The following ENTREP2 variants were observed in gnomAD, a reference collection of about 807,000 sequenced individuals.
The protein encoded by ENTREP2 is protein ENTREP2.
the ENTREP2 span, among the ~76,000 whole-genome samples, chr15:29,450,729 G>A: frequency 6.6e-6 from 1 of 152,150 alleles, no homozygotes; most frequent in Non-Finnish European, 1.5e-5. Context: ...GCCCATCAAT[G>A]GTAGACTGGG....
At chr15:29,617,847 T>C in the ENTREP2 span, among the ~76,000 whole-genome samples, 1 of 152,206 alleles carries the variant, frequency 6.6e-6, no homozygotes, top group Non-Finnish European at 1.5e-5. Context: ...CAGGGCAGCC[T>C]GACAGAGGGC....
At chr15:29,156,510 G>A in the ENTREP2 span, among the ~76,000 whole-genome samples, 2 of 151,416 alleles carry the variant, frequency 1.3e-5, no homozygotes, top group Non-Finnish European at 1.5e-5. Flanking sequence ...TTTGAGAATT[G>A]ATTGAGAAAG....
chr15:29,347,991 G>A, the ENTREP2 span, among the ~76,000 whole-genome samples: 1 of 152,134 alleles, frequency 6.6e-6, no homozygotes, highest in Non-Finnish European at 1.5e-5. Context: ...ATATAGAGGG[G>A]CACCATCTGG....
chr15:29,292,991 C>G, the ENTREP2 span, among the ~76,000 whole-genome samples: 1 of 152,244 alleles, frequency 6.6e-6, no homozygotes, highest in East Asian at 1.9e-4. Flanking sequence ...GCATTCTCTA[C>G]TACAGCTGTG....
chr15:29,397,499 T>G, the ENTREP2 span, among the ~76,000 whole-genome samples: 3 of 152,092 alleles, frequency 2.0e-5, no homozygotes, highest in African/African-American at 4.8e-5. Flanking sequence ...TAGCAGTGGT[T>G]AGAAAGAACA....
the ENTREP2 span, among the ~76,000 whole-genome samples, chr15:29,468,114 C>A: frequency 6.6e-6 from 1 of 152,186 alleles, no homozygotes; most frequent in Non-Finnish European, 1.5e-5. Context: ...TTTATTCCCC[C>A]AAAGAACCTA....
chr15:29,656,116 C>T, the ENTREP2 span, among the ~76,000 whole-genome samples: 2 of 150,728 alleles, frequency 1.3e-5, no homozygotes, highest in Non-Finnish European at 2.9e-5. Flanking sequence ...GAATTCTATA[C>T]CCAGTGAAAA....
At chr15:29,617,157 T>C in the ENTREP2 span, among the ~76,000 whole-genome samples, 1 of 152,194 alleles carries the variant, frequency 6.6e-6, no homozygotes, top group South Asian at 2.1e-4. Flanking sequence ...GCAGGCTGTC[T>C]GCAGGCTGGA....
the ENTREP2 span, among the ~76,000 whole-genome samples, chr15:29,617,799 G>C: frequency 3.3e-5 from 5 of 152,220 alleles, no homozygotes; most frequent in African/African-American, 1.2e-4. Context: ...GGCTGCACAA[G>C]GTGGTGGGTG....
the ENTREP2 span, among the ~76,000 whole-genome samples, chr15:29,630,737 G>C: frequency 6.6e-6 from 1 of 152,144 alleles, no homozygotes; most frequent in Non-Finnish European, 1.5e-5. Context: ...ACCCAGGCTG[G>C]AGTGCAGTGG....
At chr15:29,305,848 T>C in the ENTREP2 span, among the ~76,000 whole-genome samples, 2 of 152,190 alleles carry the variant, frequency 1.3e-5, no homozygotes, top group African/African-American at 4.8e-5. Flanking sequence ...ATGGGTCTGG[T>C]TGAAATCCCA....
the ENTREP2 span, chr15:29,266,900 T>C: frequency 1.3e-5 from 2 of 152,186 alleles, no homozygotes; most frequent in Non-Finnish European, 2.9e-5. Context: ...GGGGGGAATT[T>C]TGCCTCAGAT....
At chr15:29,396,789 G>GATGTT in the ENTREP2 span, among the ~76,000 whole-genome samples, 18 of 152,118 alleles carry the variant, frequency 1.2e-4, no homozygotes, top group Admixed American at 2.6e-4. Context: ...TTTTGTATAG[G>GATGTT]ATGTTAGTTA....
At chr15:29,185,045 A>G in the ENTREP2 span, among the ~76,000 whole-genome samples, 1 of 151,364 alleles carries the variant, frequency 6.6e-6, no homozygotes, top group Non-Finnish European at 1.5e-5. Flanking sequence ...ATGCCACTGC[A>G]CTCCAGCCTG....
At chr15:29,549,273 A>G in the ENTREP2 span, among the ~76,000 whole-genome samples, 1 of 106,026 alleles carries the variant, frequency 9.4e-6, no homozygotes, top group Non-Finnish European at 1.9e-5. Flanking sequence ...GATTTGTTAT[A>G]CATTTTTTTT....
the ENTREP2 span, among the ~76,000 whole-genome samples, chr15:29,300,386 G>A: frequency 8.6e-5 from 12 of 140,150 alleles, no homozygotes; most frequent in African/African-American, 3.4e-4. Context: ...TGGATGGATA[G>A]ATAGATGGAT....
chr15:29,348,059 C>T, the ENTREP2 span, among the ~76,000 whole-genome samples: 21,980 of 151,986 alleles, frequency 0.14, 1,840 homozygotes, highest in East Asian at 0.35. Context: ...GGCGAGCTTA[C>T]CAGAGTGAGG....
chr15:29,336,242 C>T, the ENTREP2 span, among the ~76,000 whole-genome samples: 5 of 151,890 alleles, frequency 3.3e-5, no homozygotes, highest in African/African-American at 4.8e-5. Context: ...TAATTGGATG[C>T]GTGGCCTCTG....
chr15:29,248,774 G>C, the ENTREP2 span, among the ~76,000 whole-genome samples: 1 of 152,162 alleles, frequency 6.6e-6, no homozygotes, highest in Non-Finnish European at 1.5e-5. Flanking sequence ...TGTAGGGGAA[G>C]AGCATTATCA....
Sources: allele counts gnomAD v4.1 joint callset (sites outside exome capture counted in the v4.1 genomes callset), GRCh38; gene constraint gnomAD v4.1.1; transcripts MANE v1.5; gene names NCBI Gene and HGNC (gene_info 2026-07-23, HGNC 2026-07-21).